PLXDC2: variants seen among roughly 807,000 people sequenced by gnomAD.
The protein encoded by PLXDC2 is plexin domain-containing protein 2.
In PLXDC2, 40 loss-of-function variants were observed where a neutral mutation model predicts 68.9. The observed-to-expected ratio is 0.58, with a 90% CI of 0.45 to 0.76. The LOEUF (loss-of-function observed/expected upper bound fraction) is 0.76. PLXDC2 is among the 30% of genes least tolerant of loss of function. The probability of loss-of-function intolerance (pLI) is 0.00; values close to 1 mark genes in which losing one functional copy is unlikely to be tolerated. For missense variants in PLXDC2, 644 were observed against 661.9 expected (o/e 0.97, Z 0.30); for synonymous variants, 243 against 234.2 (o/e 1.04, Z -0.34).
intron 12 of PLXDC2, among the ~76,000 whole-genome samples, chr10:20,220,606 G>A (rs563204201): frequency 1.2e-4 from 18 of 151,958 alleles, no homozygotes; most frequent in Non-Finnish European, 2.1e-4. Flanking sequence ...AAGTGTGAGA[G>A]ACTCTGGAAA....
chr10:19,839,868 T>C (rs1836871068), intron 1 of PLXDC2, among the ~76,000 whole-genome samples: 1 of 152,210 alleles, frequency 6.6e-6, no homozygotes. Flanking sequence ...TAACAAAGGT[T>C]GAAGGAAAAT....
intron 10 of PLXDC2, among the ~76,000 whole-genome samples, chr10:20,213,833 C>G (rs1246757235): frequency 2.0e-5 from 3 of 152,090 alleles, no homozygotes; most frequent in Non-Finnish European, 2.9e-5. Context: ...TAAATGTACT[C>G]TTCAGCTATA....
chr10:19,886,483 A>G (rs899999528), intron 1 of PLXDC2, among the ~76,000 whole-genome samples: 5 of 152,240 alleles, frequency 3.3e-5, no homozygotes, highest in African/African-American at 9.6e-5. Flanking sequence ...ACACAAGTCA[A>G]TAAATGTAAT....
intron 7 of PLXDC2, among the ~76,000 whole-genome samples, chr10:20,176,757 C>T (rs186189572): frequency 5.1e-4 from 78 of 152,088 alleles, no homozygotes; most frequent in Admixed American, 2.2e-3. Context: ...GAGTCGAAGC[C>T]TTAATAGGTA....
chr10:20,235,066 T>G (rs1031743569), intron 12 of PLXDC2, among the ~76,000 whole-genome samples: 7 of 152,236 alleles, frequency 4.6e-5, no homozygotes, highest in African/African-American at 1.7e-4. Flanking sequence ...GCTAGACTTT[T>G]GTTTTTCAAA....
At chr10:20,137,085 A>G (rs757838866) in intron 4 of PLXDC2, among the ~76,000 whole-genome samples, 8 of 152,242 alleles carry the variant, frequency 5.3e-5, no homozygotes, top group Non-Finnish European at 1.0e-4. Flanking sequence ...AACTCAAACA[A>G]GAATAAGGCA....
chr10:19,893,094 G>T (rs1044891526), intron 1 of PLXDC2, among the ~76,000 whole-genome samples: 1 of 152,118 alleles, frequency 6.6e-6, no homozygotes, highest in Non-Finnish European at 1.5e-5. Flanking sequence ...TTTCAAGGGG[G>T]TTAGCATAGG....
chr10:20,140,682 G>T (rs899476828), intron 4 of PLXDC2, among the ~76,000 whole-genome samples: 5 of 151,922 alleles, frequency 3.3e-5, no homozygotes, highest in African/African-American at 9.7e-5. Context: ...GGAGAACTAG[G>T]TAAAGCCTAT....
At chr10:19,942,457 A>G (rs1833834683) in intron 1 of PLXDC2, among the ~76,000 whole-genome samples, 1 of 152,184 alleles carries the variant, frequency 6.6e-6, no homozygotes, top group Admixed American at 6.5e-5. Flanking sequence ...CATGACTCAA[A>G]ACATTTCTCA....
chr10:20,199,751 G>A (rs778706544), intron 9 of PLXDC2, among the ~76,000 whole-genome samples: 1 of 151,856 alleles, frequency 6.6e-6, no homozygotes, highest in African/African-American at 2.4e-5. Context: ...TGGAACGTTA[G>A]AATGTGATTA....
In PLXDC2 at chr10:19,945,186, T is replaced by A. The variant is rs572322288; in HGVS notation, c.113-56589T>A. On this transcript the variant is annotated intron_variant, in intron 1 of 13. Transcript: ENST00000377252. ...GCTTTATGCCAAACTTAATTTAACATGTTCATATTTCTGCCCAGATAAATA... is the reference window on the plus strand; with the variant it reads ...GCTTTATGCCAAACTTAATTTAACAAGTTCATATTTCTGCCCAGATAAATA... 2.0e-5 allele frequency among the ~76,000 whole-genome samples: 3 copies of A among 152,294 alleles called. No individual in the cohort carries two copies. In the South Asian group the frequency reaches 6.2e-4, roughly 32 times the overall value.
intron 1 of PLXDC2, among the ~76,000 whole-genome samples, chr10:19,921,705 G>A (rs1243832506): frequency 1.3e-5 from 2 of 152,198 alleles, no homozygotes; most frequent in Non-Finnish European, 2.9e-5. Context: ...AGGGCTACAG[G>A]ACAATTGTGT....
intron 1 of PLXDC2, among the ~76,000 whole-genome samples, chr10:19,941,211 G>A (rs1033575111): frequency 6.6e-6 from 1 of 152,122 alleles, no homozygotes; most frequent in African/African-American, 2.4e-5. Context: ...TGTGCAAAAG[G>A]CAGTACCGTG....
chr10:19,994,390 A>G (rs1364023394), intron 1 of PLXDC2, among the ~76,000 whole-genome samples: 2 of 129,176 alleles, frequency 1.5e-5, no homozygotes, highest in African/African-American at 6.0e-5. Flanking sequence ...ATGCATTAGT[A>G]TCATCATGGC....
intron 2 of PLXDC2, among the ~76,000 whole-genome samples, chr10:20,009,009 G>A (rs1038651836): frequency 5.3e-5 from 8 of 152,072 alleles, no homozygotes; most frequent in South Asian, 2.1e-4. Context: ...GCTTGAAAAC[G>A]GACTAATACA....
At chr10:19,892,486 G>T (rs1177492420) in intron 1 of PLXDC2, among the ~76,000 whole-genome samples, 2 of 152,138 alleles carry the variant, frequency 1.3e-5, no homozygotes. Context: ...ATAATTCTAT[G>T]CAGGAAGACT....
intron 1 of PLXDC2, among the ~76,000 whole-genome samples, chr10:19,992,010 A>G (rs1398667918): frequency 6.6e-6 from 1 of 152,208 alleles, no homozygotes; most frequent in Non-Finnish European, 1.5e-5. Context: ...AGGAAACAAG[A>G]GCAGTTTGAG....
intron 1 of PLXDC2, among the ~76,000 whole-genome samples, chr10:19,979,499 C>G (rs767079022): frequency 3.3e-5 from 5 of 151,744 alleles, no homozygotes; most frequent in Admixed American, 6.6e-5. Flanking sequence ...CTGCCTCACC[C>G]TCTCAATTGA....
At chr10:20,216,398 AGG>A (rs1324777586) in intron 10 of PLXDC2, among the ~76,000 whole-genome samples, 1 of 152,132 alleles carries the variant, frequency 6.6e-6, no homozygotes, top group Non-Finnish European at 1.5e-5. Flanking sequence ...TGGGGCTCAG[AGG>A]TGCAGGAACT....
Sources: gnomAD v4.1 joint callset for allele counts (sites outside exome capture counted in the v4.1 genomes callset) on GRCh38, gnomAD v4.1.1 for gene constraint, MANE v1.5 for transcripts, NCBI Gene and HGNC (gene_info 2026-07-23, HGNC 2026-07-21) for gene names.